Variants in SEL1L2 observed in about 807,000 individuals in gnomAD.
SEL1L2 encodes protein sel-1 homolog 2.
A neutral mutation model predicts 98.8 loss-of-function variants in SEL1L2; 89 were observed. That is an observed-to-expected ratio of 0.90 (90% CI 0.76 to 1.07). SEL1L2 has a LOEUF of 1.07. Ranked by LOEUF, SEL1L2 falls within the 50% of genes least tolerant of loss-of-function variation. SEL1L2 has a pLI of 0.00. For synonymous variants in SEL1L2, 262 were observed against 278.5 expected, an observed-to-expected ratio of 0.94 and a Z score of 0.59; for missense variants, 788 against 812.0, an observed-to-expected ratio of 0.97 and a Z score of 0.36.
At chr20:13,985,595 C>T (rs1365134388) in intron 1 of SEL1L2, among the ~76,000 whole-genome samples, 1 of 152,148 alleles carries the variant, frequency 6.6e-6, no homozygotes, top group South Asian at 2.1e-4. Context: ...TTTTCCTCTT[C>T]GAGACTCTAA....
At chr20:13,906,031 T>C (rs904882191) in intron 5 of SEL1L2, among the ~76,000 whole-genome samples, 1 of 151,938 alleles carries the variant, frequency 6.6e-6, no homozygotes, top group African/African-American at 2.4e-5. Flanking sequence ...TGCACCACCA[T>C]ACCCAGCTAA....
intron 18 of SEL1L2, among the ~76,000 whole-genome samples, chr20:13,857,473 G>A (rs976278783): frequency 6.6e-6 from 1 of 152,246 alleles, no homozygotes; most frequent in African/African-American, 2.4e-5. Context: ...CAGTCCGCCA[G>A]CTGGGCACTG....
Position 13,888,514 on chromosome 20 carries a change from T to C in SEL1L2, c.550-2A>G. On this transcript the variant is annotated splice_acceptor_variant, in intron 5 of 19. Coordinates refer to ENST00000284951, the MANE Select transcript of SEL1L2 (RefSeq NM_025229.2). LOFTEE classifies it high-confidence loss of function. ...ATAAGAAGACAAAAATCCTAATGCC[T>C]AAAGCACAAAAGAAGAAACAAAATT... 6.5e-7 allele frequency: 1 copy of C among 1,528,474 alleles called. No individual in the cohort carries two copies. The highest frequency in any genetic ancestry group is 9.0e-7 in the Non-Finnish European group (1 of 1,113,220). The allele number at this position is 1,528,474 out of a possible 1,614,324, so 94.7% of individuals were successfully genotyped here.
At chr20:13,976,116 C>T (rs757289797) in intron 1 of SEL1L2, among the ~76,000 whole-genome samples, 9 of 152,134 alleles carry the variant, frequency 5.9e-5, no homozygotes, top group Non-Finnish European at 1.0e-4. Flanking sequence ...ATTCTCCTGC[C>T]TCAGCCTCCC....
chr20:13,860,893 C>A (rs903599714), intron 17 of SEL1L2, among the ~76,000 whole-genome samples: 2 of 152,144 alleles, frequency 1.3e-5, no homozygotes, highest in Non-Finnish European at 2.9e-5. Context: ...CACCCTACAC[C>A]CGTTCCTCCA....
chr20:13,879,961 C>T (rs978250182), intron 10 of SEL1L2, among the ~76,000 whole-genome samples: 2 of 152,146 alleles, frequency 1.3e-5, no homozygotes, highest in African/African-American at 2.4e-5. Context: ...TGTGATCTCA[C>T]GGCACCTCAT....
chr20:13,985,607 C>A (rs1451241596), intron 1 of SEL1L2, among the ~76,000 whole-genome samples: 2 of 152,208 alleles, frequency 1.3e-5, no homozygotes, highest in African/African-American at 2.4e-5. Flanking sequence ...AGACTCTAAG[C>A]TGCTCAAGGA....
intron 2 of SEL1L2, among the ~76,000 whole-genome samples, chr20:13,948,395 G>A (rs188722015): frequency 4.4e-4 from 67 of 151,970 alleles, no homozygotes; most frequent in East Asian, 3.7e-3. Flanking sequence ...AAAAGAGTGC[G>A]GCACAAAGAT....
intron 3 of SEL1L2, among the ~76,000 whole-genome samples, chr20:13,930,831 T>C (rs962239571): frequency 2.0e-5 from 3 of 152,088 alleles, no homozygotes; most frequent in Admixed American, 6.5e-5. Context: ...TTATTAGCAG[T>C]GATCACTTTT....
chr20:13,852,500 G>C (rs1188262588), intron 18 of SEL1L2, among the ~76,000 whole-genome samples: 6 of 152,094 alleles, frequency 3.9e-5, no homozygotes, highest in African/African-American at 7.2e-5. Context: ...AAAAATCTAA[G>C]TCATGCAAAC....
intron 18 of SEL1L2, among the ~76,000 whole-genome samples, chr20:13,856,262 T>C (rs1413266143): frequency 6.6e-6 from 1 of 152,148 alleles, no homozygotes; most frequent in Non-Finnish European, 1.5e-5. Context: ...CCCAAGTAGC[T>C]GGGACAATAG....
intron 8 of SEL1L2, among the ~76,000 whole-genome samples, chr20:13,887,051 AT>A (rs1294291714): frequency 6.6e-6 from 1 of 152,054 alleles, no homozygotes; most frequent in Non-Finnish European, 1.5e-5. Flanking sequence ...TCCATTCATA[AT>A]TTTTTTCTGG....
chr20:13,910,428 A>C (rs191170284), intron 5 of SEL1L2, among the ~76,000 whole-genome samples: 2 of 152,214 alleles, frequency 1.3e-5, no homozygotes, highest in Non-Finnish European at 2.9e-5. Flanking sequence ...TAGAGAAGTA[A>C]CTTCTTCAGA....
intron 5 of SEL1L2, among the ~76,000 whole-genome samples, chr20:13,893,910 T>C (rs891460842): frequency 2.6e-5 from 4 of 151,960 alleles, no homozygotes; most frequent in African/African-American, 7.3e-5. Context: ...GAAAACAAAA[T>C]GACATATTCT....
At chr20:13,907,752 T>TTTCTTTTCC (rs1437668576) in intron 5 of SEL1L2, among the ~76,000 whole-genome samples, 1 of 139,880 alleles carries the variant, frequency 7.1e-6, no homozygotes, top group African/African-American at 2.6e-5. Flanking sequence ...CTTTCTTTTC[T>TTTCTTTTCC]TTTCTTTTCT....
Position 13,902,162 on chromosome 20 carries a change from C to T in SEL1L2, c.549+11620G>A, listed in dbSNP as rs559846181. Reference sequence around the variant, plus strand: ...GAAAGCTGCTTCCACCTCATCCCTGCTTTAGCTAGTACTCAATTTGGTCCA... The same window carrying T: ...GAAAGCTGCTTCCACCTCATCCCTGTTTTAGCTAGTACTCAATTTGGTCCA... On this transcript the variant is annotated intron_variant, in intron 5 of 19. Coordinates refer to ENST00000284951, the MANE Select transcript of SEL1L2 (RefSeq NM_025229.2). Among the ~76,000 whole-genome samples, 20 of 152,154 alleles carry T rather than the reference C, an allele frequency of 1.3e-4. No homozygotes were observed. In the South Asian group the frequency reaches 3.3e-3, roughly 25 times the overall value.
chr20:13,856,157 T>G (rs1485649941), intron 18 of SEL1L2, among the ~76,000 whole-genome samples: 1 of 152,084 alleles, frequency 6.6e-6, no homozygotes, highest in East Asian at 1.9e-4. Context: ...GGGGTTTTTT[T>G]TTTTAAGAGG....
rs1392165707 is a variant in SEL1L2 at position 13,869,571 on chromosome 20, T to G, written c.1187A>C (p.Lys396Thr). The G allele has an allele frequency of 3.1e-6, 5 of 1,613,988 alleles. No individual in the cohort carries two copies. In the African/African-American group the frequency reaches 6.7e-5, roughly 22 times the overall value. ...GVPLNYAEAL[K>T]YFQKAAEKGW... ...TTTTTCCGCAGCTTTCTGAAAGTAT[T>G]TAAGTGCTTCGGCATAATTCTGCAA... The change falls in exon 14 of 20, where the codon AAA becomes ACA. Residue 396 changes from lysine to threonine, a missense_variant. Lys to Thr is a moderately conservative substitution (Grantham distance 78). Coordinates refer to ENST00000284951, the MANE Select transcript of SEL1L2 (RefSeq NM_025229.2).
At chr20:13,914,330 T>G (rs551502262) in intron 4 of SEL1L2, among the ~76,000 whole-genome samples, 5 of 152,320 alleles carry the variant, frequency 3.3e-5, no homozygotes, top group East Asian at 1.9e-4. Context: ...TTATGAATAT[T>G]TGTTTTATAA....
Sources: allele counts gnomAD v4.1 joint callset (sites outside exome capture counted in the v4.1 genomes callset), GRCh38; gene constraint gnomAD v4.1.1; transcripts MANE v1.5; gene names NCBI Gene and HGNC (gene_info 2026-07-23, HGNC 2026-07-21).